The following NPAS3 variants were observed in gnomAD, a reference collection of about 807,000 sequenced individuals.
The protein encoded by NPAS3 is neuronal PAS domain-containing protein 3.
In NPAS3, 14 loss-of-function variants were observed where a neutral mutation model predicts 73.1. The ratio of observed to expected loss-of-function variants is 0.19; its 90% CI spans 0.13 to 0.30. The LOEUF (loss-of-function observed/expected upper bound fraction) is 0.30, where lower values mean the gene tolerates loss of function less well. Among genes scored for constraint, NPAS3 ranks in the 10% least tolerant of loss-of-function variants. The pLI, the probability that NPAS3 is intolerant of heterozygous loss-of-function variation, is 1.00. For synonymous variants in NPAS3, 620 were observed against 541.5 expected, an observed-to-expected ratio of 1.14 and a Z score of -2.01; for missense variants, 1,096 against 1,250.0, an observed-to-expected ratio of 0.88 and a Z score of 1.86.
At chr14:33,667,368 G>T (rs936871672) in intron 5 of NPAS3, among the ~76,000 whole-genome samples, 2 of 152,134 alleles carry the variant, frequency 1.3e-5, no homozygotes, top group Non-Finnish European at 2.9e-5. Context: ...GGTGAGACAA[G>T]ACATAGAACC....
intron 7 of NPAS3, among the ~76,000 whole-genome samples, chr14:33,755,222 G>C (rs1337522284): frequency 6.6e-6 from 1 of 152,182 alleles, no homozygotes; most frequent in Non-Finnish European, 1.5e-5. Context: ...CTAAGTGACT[G>C]TGAATACCCA....
At chr14:33,053,058 T>C (rs2040765647) in intron 1 of NPAS3, among the ~76,000 whole-genome samples, 2 of 152,338 alleles carry the variant, frequency 1.3e-5, no homozygotes, top group East Asian at 1.9e-4. Flanking sequence ...TCTGGAGTTT[T>C]TGACAGGTGT....
intron 5 of NPAS3, among the ~76,000 whole-genome samples, chr14:33,621,027 G>A (rs2058062265): frequency 6.6e-6 from 1 of 152,088 alleles, no homozygotes; most frequent in African/African-American, 2.4e-5. Flanking sequence ...TAAATGACTA[G>A]GTAACGAGAA....
intron 1 of NPAS3, among the ~76,000 whole-genome samples, chr14:33,043,210 C>G (rs898878002): frequency 6.6e-6 from 1 of 152,118 alleles, no homozygotes; most frequent in Non-Finnish European, 1.5e-5. Flanking sequence ...ATACATATTA[C>G]ATACCAGTGG....
chr14:33,636,692 G>T (rs564338559), intron 5 of NPAS3, among the ~76,000 whole-genome samples: 6 of 152,244 alleles, frequency 3.9e-5, no homozygotes, highest in Middle Eastern at 6.8e-3. Context: ...GCCCCCAAAC[G>T]CACACCAGTC....
intron 3 of NPAS3, among the ~76,000 whole-genome samples, chr14:33,357,701 C>T (rs2045403320): frequency 6.6e-6 from 1 of 152,142 alleles, no homozygotes; most frequent in South Asian, 2.1e-4. Context: ...CATTCTGGTC[C>T]CAATTCTAAA....
chr14:33,132,417 G>C (rs1336970935), intron 2 of NPAS3, among the ~76,000 whole-genome samples: 1 of 152,124 alleles, frequency 6.6e-6, no homozygotes, highest in African/African-American at 2.4e-5. Flanking sequence ...GAAGAGACTA[G>C]AAGTCTTATA....
At chr14:33,792,601 A>AG (rs1260693004) in intron 9 of NPAS3, among the ~76,000 whole-genome samples, 1 of 149,048 alleles carries the variant, frequency 6.7e-6, no homozygotes, top group African/African-American at 2.5e-5. Context: ...AAAAAAAAAA[A>AG]TCTAAATGTA....
chr14:33,122,554 T>A (rs8007241), intron 2 of NPAS3, among the ~76,000 whole-genome samples: 2 of 152,020 alleles, frequency 1.3e-5, no homozygotes, highest in African/African-American at 2.4e-5. Flanking sequence ...CTGCTAATAC[T>A]ATTATCAGTG....
At chr14:33,050,070 G>T (rs548130693) in intron 1 of NPAS3, among the ~76,000 whole-genome samples, 1 of 152,040 alleles carries the variant, frequency 6.6e-6, no homozygotes, top group African/African-American at 2.4e-5. Flanking sequence ...TACAATCTAG[G>T]GGGGAAAGTC....
At chr14:33,065,272 G>T (rs557384458) in intron 2 of NPAS3, among the ~76,000 whole-genome samples, 4 of 152,182 alleles carry the variant, frequency 2.6e-5, no homozygotes, top group Admixed American at 6.5e-5. Flanking sequence ...GGGTATGGTG[G>T]GTTAAAGAAA....
intron 4 of NPAS3, among the ~76,000 whole-genome samples, chr14:33,422,239 A>G (rs1269847900): frequency 6.6e-6 from 1 of 151,962 alleles, no homozygotes; most frequent in Admixed American, 6.6e-5. Flanking sequence ...GTTGATGGGG[A>G]AATATCAAAT....
intron 4 of NPAS3, among the ~76,000 whole-genome samples, chr14:33,488,273 G>A (rs887894844): frequency 6.6e-6 from 1 of 152,032 alleles, no homozygotes; most frequent in African/African-American, 2.4e-5. Context: ...TGTGACTACA[G>A]TTTAGTGAAC....
chr14:33,005,587 AACTC>A (rs1387274920), intron 1 of NPAS3, among the ~76,000 whole-genome samples: 1 of 152,150 alleles, frequency 6.6e-6, no homozygotes, highest in Non-Finnish European at 1.5e-5. Flanking sequence ...TTCTAGAGGA[AACTC>A]ACTCTGAAAT....
intron 3 of NPAS3, among the ~76,000 whole-genome samples, chr14:33,362,300 A>T (rs2045639955): frequency 6.6e-6 from 1 of 152,218 alleles, no homozygotes. Context: ...CAGTTTCAGA[A>T]TAAAGACACA....
chr14:33,358,018 G>A (rs908359430), intron 3 of NPAS3, among the ~76,000 whole-genome samples: 28 of 152,140 alleles, frequency 1.8e-4, no homozygotes, highest in African/African-American at 6.3e-4. Flanking sequence ...CCCATAATGT[G>A]ACCCCTCCCA....
At chr14:33,497,737 T>C (rs111490203) in intron 4 of NPAS3, among the ~76,000 whole-genome samples, 2,274 of 152,114 alleles carry the variant, frequency 0.015, 18 homozygotes, top group Non-Finnish European at 0.023. Flanking sequence ...CCTAAAATCA[T>C]AAAAACCCTA....
At chr14:32,941,924 T>G in intron 1 of NPAS3, among the ~76,000 whole-genome samples, 1 of 152,232 alleles carries the variant, frequency 6.6e-6, no homozygotes, top group East Asian at 1.9e-4. Context: ...ACACTTTAAG[T>G]GTAAACATTA....
intron 1 of NPAS3, among the ~76,000 whole-genome samples, chr14:32,961,367 C>T (rs2036908871): frequency 1.4e-5 from 2 of 145,994 alleles, no homozygotes; most frequent in Admixed American, 6.9e-5. Context: ...GCTGAGATTG[C>T]ACCACAGCAC....
Sources: gnomAD v4.1 joint callset for allele counts (sites outside exome capture counted in the v4.1 genomes callset) on GRCh38, gnomAD v4.1.1 for gene constraint, MANE v1.5 for transcripts, NCBI Gene and HGNC (gene_info 2026-07-23, HGNC 2026-07-21) for gene names.